The following DIP2C variants were observed in gnomAD, a reference collection of about 807,000 sequenced individuals.
DIP2C encodes DIP2 acetate--CoA ligase C (putative).
DIP2C carries 33 observed loss-of-function variants against 192.4 expected under a neutral mutation model. The observed-to-expected ratio is 0.17, with a 90% CI of 0.13 to 0.23. The LOEUF is 0.23. DIP2C is among the 10% of genes least tolerant of loss of function. The pLI, the probability that DIP2C is intolerant of heterozygous loss-of-function variation, is 1.00. For synonymous variants in DIP2C, 979 were observed against 864.1 expected, an observed-to-expected ratio of 1.13 and a Z score of -2.33; for missense variants, 1,537 against 2,110.1, an observed-to-expected ratio of 0.73 and a Z score of 5.32.
chr10:512,006 A>T (rs1325493940), intron 1 of DIP2C, among the ~76,000 whole-genome samples: 2 of 152,124 alleles, frequency 1.3e-5, no homozygotes, highest in African/African-American at 4.8e-5. Context: ...CGTGAGCACC[A>T]CAATCACCTC....
At chr10:583,302 G>C (rs936485519) in intron 1 of DIP2C, among the ~76,000 whole-genome samples, 1 of 152,242 alleles carries the variant, frequency 6.6e-6, no homozygotes, top group African/African-American at 2.4e-5. Context: ...TCTCTTAGCA[G>C]AAAGAGAATT....
intron 31 of DIP2C, among the ~76,000 whole-genome samples, chr10:319,021 C>A (rs185136928): frequency 2.8e-4 from 42 of 152,062 alleles, no homozygotes; most frequent in Admixed American, 2.2e-3. Context: ...CAGGCAATTC[C>A]CCTGCCTCAG....
intron 1 of DIP2C, among the ~76,000 whole-genome samples, chr10:589,279 G>T (rs984568784): frequency 6.6e-6 from 1 of 152,144 alleles, no homozygotes; most frequent in African/African-American, 2.4e-5. Flanking sequence ...CCTGTCTGCA[G>T]AAAATGTGTC....
chr10:671,788 C>A (rs1274851027), intron 1 of DIP2C, among the ~76,000 whole-genome samples: 6 of 112,680 alleles, frequency 5.3e-5, no homozygotes, highest in East Asian at 2.9e-4. Context: ...GACGCACGGA[C>A]GGAGGAAACA....
chr10:644,475 C>T (rs772008302), intron 1 of DIP2C, among the ~76,000 whole-genome samples: 1 of 152,288 alleles, frequency 6.6e-6, no homozygotes, highest in African/African-American at 2.4e-5. Flanking sequence ...CAGCTGCAGG[C>T]GCGTCCTGGG....
intron 34 of DIP2C, among the ~76,000 whole-genome samples, chr10:283,887 A>G (rs562068660): frequency 1.3e-5 from 2 of 152,232 alleles, no homozygotes; most frequent in Non-Finnish European, 2.9e-5. Context: ...TTGCAATAAA[A>G]CAACACACAG....
rs144375511 is a variant in DIP2C, at chr10:425,611, G to A, written c.395-2578C>T. Among the ~76,000 whole-genome samples the A allele has an allele frequency of 7.2e-3, 1,072 of 149,034 alleles. 7 individuals carry two copies. Among genetic ancestry groups the A allele is most frequent in the Non-Finnish European group, 0.011 (746 of 67,434 alleles). ...ATGAAATGGATGCAGCATGACCAGC[G>A]GTGACTAATATGACATGGATGATAC... On this transcript the variant is annotated intron_variant, in intron 4 of 36. Coordinates refer to ENST00000280886, the MANE Select transcript of DIP2C (RefSeq NM_014974.3).
chr10:506,379 C>G (rs1845594973), intron 1 of DIP2C, among the ~76,000 whole-genome samples: 1 of 152,162 alleles, frequency 6.6e-6, no homozygotes, highest in African/African-American at 2.4e-5. Flanking sequence ...CAAGGGGGAT[C>G]AGCCCAAGGC....
At chr10:562,039 C>T (rs1336015310) in intron 1 of DIP2C, among the ~76,000 whole-genome samples, 1 of 152,218 alleles carries the variant, frequency 6.6e-6, no homozygotes, top group African/African-American at 2.4e-5. Flanking sequence ...GCGGACGTTC[C>T]GAAGGATGCA....
intron 1 of DIP2C, among the ~76,000 whole-genome samples, chr10:583,195 C>T (rs2131598535): frequency 6.6e-6 from 1 of 152,322 alleles, no homozygotes; most frequent in East Asian, 1.9e-4. Flanking sequence ...ACGTTGTACT[C>T]CAAGTGCATC....
chr10:320,664 A>T (rs3123254), intron 31 of DIP2C, among the ~76,000 whole-genome samples: 146,704 of 152,118 alleles, frequency 0.96, 70,911 homozygotes, highest in Non-Finnish European at 1. Flanking sequence ...CACGCCTGTA[A>T]TCCCAGTGCT....
intron 1 of DIP2C, among the ~76,000 whole-genome samples, chr10:505,701 G>A (rs1042558692): frequency 6.6e-6 from 1 of 150,558 alleles, no homozygotes; most frequent in African/African-American, 2.5e-5. Flanking sequence ...TGACGCCACA[G>A]GAGATGGGGA....
At chr10:458,801 C>G (rs932935780) in intron 3 of DIP2C, among the ~76,000 whole-genome samples, 1 of 150,536 alleles carries the variant, frequency 6.6e-6, no homozygotes. Flanking sequence ...AAGGAGGATG[C>G]CCTCTACATT....
At chr10:328,339 T>C (rs1483152664) in intron 30 of DIP2C, among the ~76,000 whole-genome samples, 1 of 152,216 alleles carries the variant, frequency 6.6e-6, no homozygotes, top group African/African-American at 2.4e-5. Context: ...CCAGGTTCGT[T>C]CAGCCTAAGA....
intron 1 of DIP2C, among the ~76,000 whole-genome samples, chr10:553,925 G>A (rs555352542): frequency 6.6e-6 from 1 of 151,392 alleles, no homozygotes; most frequent in South Asian, 2.1e-4. Context: ...AACTGTAACA[G>A]TGGTGAACAG....
At chr10:657,480 CCTGGACCTGCCG>C (rs1856438955) in intron 1 of DIP2C, among the ~76,000 whole-genome samples, 1 of 11,846 alleles carries the variant, frequency 8.4e-5, no homozygotes, top group African/African-American at 2.0e-4. Flanking sequence ...TGGACCTGCC[CCTGGACCTGCCG>C]CTGGACCTGT....
At chr10:602,728 G>A (rs1294150717) in intron 1 of DIP2C, among the ~76,000 whole-genome samples, 3 of 152,168 alleles carry the variant, frequency 2.0e-5, no homozygotes, top group Admixed American at 6.5e-5. Flanking sequence ...GAGGCCTCCC[G>A]TGAGCCACCA....
chr10:303,648 C>A (rs1391262771), intron 32 of DIP2C, among the ~76,000 whole-genome samples: 3 of 152,002 alleles, frequency 2.0e-5, no homozygotes, highest in African/African-American at 7.3e-5. Flanking sequence ...CTCAGCCTCC[C>A]TAGTAGCTGG....
chr10:520,632 G>A (rs115522030), intron 1 of DIP2C, among the ~76,000 whole-genome samples: 1 of 152,140 alleles, frequency 6.6e-6, no homozygotes. Context: ...TGCTCTGCCT[G>A]CAGCTCCTTC....
Sources: gnomAD v4.1 joint callset for allele counts (sites outside exome capture counted in the v4.1 genomes callset) on GRCh38, gnomAD v4.1.1 for gene constraint, MANE v1.5 for transcripts, NCBI Gene and HGNC (gene_info 2026-07-23, HGNC 2026-07-21) for gene names.